The following CDH10 variants were observed in gnomAD, a reference collection of about 807,000 sequenced individuals.
CDH10 encodes cadherin-10.
Under a neutral mutation model 73.1 loss-of-function variants are expected in CDH10, and 30 were observed. The observed-to-expected ratio is 0.41, with a 90% CI of 0.31 to 0.56. The LOEUF (loss-of-function observed/expected upper bound fraction) is 0.56, where lower values mean the gene tolerates loss of function less well. CDH10 is among the 20% of genes least tolerant of loss of function. CDH10 has a pLI of 0.27. For synonymous variants in CDH10, 345 were observed against 348.2 expected (o/e 0.99, Z 0.10); for missense variants, 815 against 973.7 (o/e 0.84, Z 2.17).
At chr5:24,499,051 C>A (rs1025125234) in intron 8 of CDH10, among the ~76,000 whole-genome samples, 2 of 152,146 alleles carry the variant, frequency 1.3e-5, no homozygotes, top group Non-Finnish European at 2.9e-5. Context: ...GGTAACTTAT[C>A]TAAGGTCCTT....
At chr5:24,518,374 T>C (rs555727003) in intron 5 of CDH10, among the ~76,000 whole-genome samples, 7 of 152,114 alleles carry the variant, frequency 4.6e-5, no homozygotes, top group Non-Finnish European at 8.8e-5. Flanking sequence ...GAGACAGATA[T>C]ATATACACAC....
intron 1 of CDH10, among the ~76,000 whole-genome samples, chr5:24,627,604 G>A: frequency 6.6e-6 from 1 of 151,976 alleles, no homozygotes; most frequent in East Asian, 1.9e-4. Context: ...AAACTTCTTT[G>A]AGCCTCAGGT....
chr5:24,627,193 G>T (rs940201109), intron 1 of CDH10, among the ~76,000 whole-genome samples: 2 of 151,886 alleles, frequency 1.3e-5, no homozygotes, highest in Admixed American at 1.3e-4. Flanking sequence ...AGGAATTTAT[G>T]GCTACTTTTA....
chr5:24,510,361 A>T (rs971473085), intron 6 of CDH10, among the ~76,000 whole-genome samples: 4 of 152,336 alleles, frequency 2.6e-5, no homozygotes, highest in African/African-American at 9.6e-5. Context: ...AAAAATTTTG[A>T]TAGTAATTTG....
chr5:24,570,848 T>C (rs920932940), intron 2 of CDH10, among the ~76,000 whole-genome samples: 1 of 151,630 alleles, frequency 6.6e-6, no homozygotes, highest in Non-Finnish European at 1.5e-5. Flanking sequence ...TTGAGAATGA[T>C]TTGAAATATT....
At chr5:24,496,823 G>C (rs1034158425) in intron 9 of CDH10, among the ~76,000 whole-genome samples, 7 of 152,182 alleles carry the variant, frequency 4.6e-5, no homozygotes, top group Admixed American at 1.3e-4. Flanking sequence ...CTGCTAGGAT[G>C]TCATAACCTA....
chr5:24,564,141 T>C (rs1345677691), intron 2 of CDH10, among the ~76,000 whole-genome samples: 2 of 152,194 alleles, frequency 1.3e-5, no homozygotes, highest in Non-Finnish European at 2.9e-5. Flanking sequence ...AATATGTGTA[T>C]TCATTGCTAT....
At chr5:24,637,050 A>G (rs1747889613) in intron 1 of CDH10, among the ~76,000 whole-genome samples, 1 of 152,018 alleles carries the variant, frequency 6.6e-6, no homozygotes, top group African/African-American at 2.4e-5. Flanking sequence ...AAAAATATAG[A>G]TAAGTGAGAT....
intron 2 of CDH10, among the ~76,000 whole-genome samples, chr5:24,584,528 T>C (rs1745920577): frequency 7.5e-6 from 1 of 132,988 alleles, no homozygotes; most frequent in African/African-American, 2.8e-5. Flanking sequence ...TGGAGTGCAG[T>C]GGCACAATCT....
At chr5:24,599,042 G>T (rs1746471368) in intron 1 of CDH10, among the ~76,000 whole-genome samples, 1 of 152,098 alleles carries the variant, frequency 6.6e-6, no homozygotes, top group Non-Finnish European at 1.5e-5. Context: ...GCATCCAAGA[G>T]TTCTTGCTAC....
chr5:24,592,320 C>A (rs917363656), intron 2 of CDH10, among the ~76,000 whole-genome samples: 4 of 151,756 alleles, frequency 2.6e-5, no homozygotes, highest in African/African-American at 9.7e-5. Flanking sequence ...ATTGTCAAGG[C>A]AGTGATGTAT....
chr5:24,513,564 A>C (rs760660835), intron 5 of CDH10, among the ~76,000 whole-genome samples: 1 of 152,152 alleles, frequency 6.6e-6, no homozygotes, highest in African/African-American at 2.4e-5. Flanking sequence ...ATTCTGTAAG[A>C]CTTTGTTGTG....
chr5:24,626,878 G>GTA (rs72113257), intron 1 of CDH10, among the ~76,000 whole-genome samples: 1 of 86,492 alleles, frequency 1.2e-5, no homozygotes, highest in African/African-American at 2.6e-5. Context: ...ATATATAAGT[G>GTA]TATATATATG....
chr5:24,584,284 T>C (rs1579842641), intron 2 of CDH10, among the ~76,000 whole-genome samples: 2 of 152,060 alleles, frequency 1.3e-5, no homozygotes, highest in Admixed American at 1.3e-4. Flanking sequence ...TAAATACAGA[T>C]GATGAGAAAG....
intron 1 of CDH10, among the ~76,000 whole-genome samples, chr5:24,610,863 A>C (rs1746920739): frequency 1.3e-5 from 2 of 152,216 alleles, no homozygotes; most frequent in South Asian, 4.1e-4. Context: ...AGACTGTAAC[A>C]ATTGCTCCTT....
At chr5:24,612,767 C>G (rs955400785) in intron 1 of CDH10, 11 of 152,056 alleles carry the variant, frequency 7.2e-5, no homozygotes, top group Non-Finnish European at 1.3e-4. Flanking sequence ...CTGGTGTGCT[C>G]CTATTTAATC....
intron 1 of CDH10, among the ~76,000 whole-genome samples, chr5:24,640,593 G>A (rs970950033): frequency 6.6e-6 from 1 of 150,934 alleles, no homozygotes; most frequent in Non-Finnish European, 1.5e-5. Flanking sequence ...TGCTTATAAT[G>A]TTTCTGACAA....
intron 2 of CDH10, among the ~76,000 whole-genome samples, chr5:24,544,333 G>A (rs1266581075): frequency 6.6e-6 from 1 of 151,982 alleles, no homozygotes; most frequent in Non-Finnish European, 1.5e-5. Flanking sequence ...GGCAAATAAA[G>A]CTTAACAATG....
chr5:24,491,648 C>T lies in CDH10; in HGVS notation c.1804G>A (p.Ala602Thr), dbSNP rs1362817919. The T allele has an allele frequency of 1.2e-6, 2 of 1,613,840 alleles. No homozygotes were observed. The highest frequency in any genetic ancestry group is 1.3e-5 in the African/African-American group (1 of 75,016). ...QGNMQSCSAE[A>T]LLLPAGLSTG... ...CTGAGGCCGGCAGGGAGGAGCAGGG[C>T]TTCAGCACTGCAGGATTGCATGTTG... The change falls in exon 11 of 12, where the codon GCC (alanine) becomes ACC (threonine). Residue 602 changes from alanine to threonine, a missense_variant. This residue lies in a region of CDH10 where 241 missense variants were observed against 240.3 expected (regional missense o/e 1.00). Transcript: ENST00000264463.
Sources: gnomAD v4.1 joint callset for allele counts (sites outside exome capture counted in the v4.1 genomes callset) on GRCh38, gnomAD v4.1.1 for gene constraint, gnomAD v4.1.1 regional missense constraint, MANE v1.5 for transcripts, NCBI Gene and HGNC (gene_info 2026-07-23, HGNC 2026-07-21) for gene names.